Variants in TSPAN9 observed in about 807,000 individuals in gnomAD.
TSPAN9 encodes the protein tetraspanin-9.
TSPAN9 carries 16 observed loss-of-function variants against 31.0 expected under a neutral mutation model. That is an observed-to-expected ratio of 0.52 (90% CI 0.35 to 0.78). The LOEUF is 0.78. TSPAN9 is among the 30% of genes least tolerant of loss of function. The pLI, the probability that TSPAN9 is intolerant of heterozygous loss-of-function variation, is 0.01. For synonymous variants in TSPAN9, 145 were observed against 121.6 expected, an observed-to-expected ratio of 1.19 and a Z score of -1.27; for missense variants, 272 against 312.5, an observed-to-expected ratio of 0.87 and a Z score of 0.98.
chr12:3,247,299 G>C (rs1862154628), intron 3 of TSPAN9, among the ~76,000 whole-genome samples: 8 of 37,394 alleles, frequency 2.1e-4, no homozygotes, highest in African/African-American at 3.1e-4. Flanking sequence ...TTACTGGCCA[G>C]CCCCCCCCCC....
intron 3 of TSPAN9, among the ~76,000 whole-genome samples, chr12:3,257,191 A>G (rs933357922): frequency 2.0e-5 from 3 of 151,634 alleles, no homozygotes. Context: ...TGGTGGCATG[A>G]CATCTCGCCA....
Position 3,143,678 on chromosome 12 carries a change from T to C in TSPAN9, c.-17-57499T>C, listed in dbSNP as rs1194889991. On this transcript the variant is annotated intron_variant, in intron 2 of 8. Transcript: ENST00000011898. This position sits in a 1 kb window ranked among gnomAD's most constrained non-coding sequence, Gnocchi z 4.2. ...AGTTACAGGAACAGCACAATAGATA[T>C]TTATTTTGTTGTTCAACTTGCTGCA... is the stretch of plus-strand genomic sequence containing the variant. Among the ~76,000 whole-genome samples, 1 of 152,218 alleles carries C rather than the reference T, an allele frequency of 6.6e-6. No homozygotes were observed. Among genetic ancestry groups the C allele is most frequent in the East Asian group, 1.9e-4 (1 of 5,206 alleles).
chr12:3,244,972 C>CGTT (rs2153977503), intron 3 of TSPAN9, among the ~76,000 whole-genome samples: 1 of 152,308 alleles, frequency 6.6e-6, no homozygotes, highest in African/African-American at 2.4e-5. Flanking sequence ...TCACTCTGTG[C>CGTT]GTTAGCCTCT....
intron 2 of TSPAN9, among the ~76,000 whole-genome samples, chr12:3,181,195 A>G (rs75011552): frequency 0.02 from 3,019 of 152,198 alleles, 97 homozygotes; most frequent in African/African-American, 0.068. Context: ...GACTAATTGC[A>G]TTAGCCAGAA....
At chr12:3,278,715 C>A in intron 4 of TSPAN9, 103 bp downstream of exon 4, 1 of 1,457,774 alleles carries the variant, frequency 6.9e-7, no homozygotes, top group Non-Finnish European at 9.2e-7. Context: ...GGGTGTCCAA[C>A]CTGAGCCCAG....
chr12:3,130,671 G>A (rs898906616), intron 2 of TSPAN9, among the ~76,000 whole-genome samples: 1 of 152,192 alleles, frequency 6.6e-6, no homozygotes, highest in Admixed American at 6.5e-5. Flanking sequence ...GTGAGATGGG[G>A]ATAATAATAG....
chr12:3,211,997 A>C (rs61907327), intron 3 of TSPAN9: 464,247 of 799,340 alleles, frequency 0.58, 137,465 homozygotes, highest in Middle Eastern at 0.65. Flanking sequence ...TTTGAGATAT[A>C]ATCTTTCTCC....
chr12:3,226,166 G>C (rs762792114), intron 3 of TSPAN9, among the ~76,000 whole-genome samples: 6 of 152,122 alleles, frequency 3.9e-5, no homozygotes, highest in Non-Finnish European at 8.8e-5. Context: ...GGGTGTGATG[G>C]GGTGAGGGGA....
intron 2 of TSPAN9, among the ~76,000 whole-genome samples, chr12:3,089,816 G>A (rs2098303263): frequency 6.6e-6 from 1 of 151,980 alleles, no homozygotes; most frequent in African/African-American, 2.4e-5. Context: ...TGAGGTGGGA[G>A]GGTTGCCTGA....
At chr12:3,090,018 C>T (rs1180137894) in intron 2 of TSPAN9, among the ~76,000 whole-genome samples, 2 of 152,134 alleles carry the variant, frequency 1.3e-5, no homozygotes, top group Non-Finnish European at 2.9e-5. Flanking sequence ...GAAAATCTCC[C>T]CTAATCCTAC....
chr12:3,271,439 T>C (rs1862676238), intron 3 of TSPAN9, among the ~76,000 whole-genome samples: 1 of 152,128 alleles, frequency 6.6e-6, no homozygotes, highest in African/African-American at 2.4e-5. Context: ...TTTTACTTGT[T>C]CTTAGTGGGC....
intron 2 of TSPAN9, among the ~76,000 whole-genome samples, chr12:3,155,155 T>A (rs1025728429): frequency 2.0e-5 from 3 of 152,210 alleles, no homozygotes; most frequent in Admixed American, 1.3e-4. Context: ...GTGCGTGGGC[T>A]GGATTTGGTC....
At chr12:3,085,628 G>A (rs774952393) in intron 2 of TSPAN9, among the ~76,000 whole-genome samples, 3 of 152,146 alleles carry the variant, frequency 2.0e-5, no homozygotes, top group African/African-American at 7.2e-5. Context: ...TGTAACTGCT[G>A]TGCGAACTTG....
intron 2 of TSPAN9, chr12:3,200,869 A>G (rs577783606): frequency 4.2e-4 from 105 of 250,558 alleles, no homozygotes; most frequent in African/African-American, 1.9e-3. Flanking sequence ...CCTCCGTCCC[A>G]TTCTGGGAGC....
At chr12:3,119,969 T>A (rs7487802) in intron 2 of TSPAN9, among the ~76,000 whole-genome samples, 89,305 of 151,992 alleles carry the variant, frequency 0.59, 26,567 homozygotes, top group Admixed American at 0.71. Context: ...CTCTGCTTTC[T>A]GGGCCTGGGT....
intron 2 of TSPAN9, among the ~76,000 whole-genome samples, chr12:3,123,042 G>A (rs1214939741): frequency 2.0e-5 from 3 of 152,130 alleles, no homozygotes; most frequent in South Asian, 2.1e-4. Flanking sequence ...ACAGGGAGGC[G>A]GCCCCACAGG....
At chr12:3,185,981 G>A (rs530759756) in intron 2 of TSPAN9, among the ~76,000 whole-genome samples, 39 of 150,272 alleles carry the variant, frequency 2.6e-4, no homozygotes, top group African/African-American at 8.8e-4. Flanking sequence ...CCTTAGCTCC[G>A]GCCCTCGGTA....
At chr12:3,167,961 C>T (rs1223053881) in intron 2 of TSPAN9, among the ~76,000 whole-genome samples, 2 of 152,188 alleles carry the variant, frequency 1.3e-5, no homozygotes, top group African/African-American at 4.8e-5. Flanking sequence ...TCTTATTCTG[C>T]AGGGTCAGGT....
At chr12:3,120,412 C>A (rs936636130) in intron 2 of TSPAN9, among the ~76,000 whole-genome samples, 1 of 152,150 alleles carries the variant, frequency 6.6e-6, no homozygotes, top group Admixed American at 6.5e-5. Flanking sequence ...ACCCTTGTGC[C>A]ACCAGCAGCC....
Sources: gnomAD v4.1 joint callset for allele counts (sites outside exome capture counted in the v4.1 genomes callset) on GRCh38, gnomAD v4.1.1 for gene constraint, Gnocchi (gnomAD v3.1) non-coding constraint, MANE v1.5 for transcripts, NCBI Gene and HGNC (gene_info 2026-07-23, HGNC 2026-07-21) for gene names.